Variants in WAPL observed in about 807,000 individuals in gnomAD.
WAPL encodes WAPL cohesin release factor.
In WAPL, 5 loss-of-function variants were observed where a neutral mutation model predicts 121.0. The observed-to-expected ratio is 0.04, with a 90% CI of 0.02 to 0.09. The LOEUF is 0.09. Ranked by LOEUF, WAPL falls within the 10% of genes least tolerant of loss-of-function variation. WAPL has a pLI of 1.00. For synonymous variants in WAPL, 480 were observed against 481.5 expected, an observed-to-expected ratio of 1.00 and a Z score of 0.04; for missense variants, 999 against 1,410.8, an observed-to-expected ratio of 0.71 and a Z score of 4.68.
chr10:86,468,839 G>A (rs181431610), intron 8 of WAPL, among the ~76,000 whole-genome samples: 12 of 151,850 alleles, frequency 7.9e-5, no homozygotes, highest in Non-Finnish European at 1.0e-4. Flanking sequence ...AGTGGCTCAC[G>A]TCTGTAATCC....
intron 2 of WAPL, among the ~76,000 whole-genome samples, chr10:86,506,749 C>T (rs1842358373): frequency 6.6e-6 from 1 of 151,864 alleles, no homozygotes; most frequent in Non-Finnish European, 1.5e-5. Flanking sequence ...ATGATCGCAC[C>T]ACTGCACTCC....
intron 9 of WAPL, among the ~76,000 whole-genome samples, chr10:86,463,887 T>C (rs984728393): frequency 6.6e-6 from 1 of 152,236 alleles, no homozygotes; most frequent in Non-Finnish European, 1.5e-5. Flanking sequence ...TACAGTAACA[T>C]GCTATACAGG....
At chr10:86,502,099 T>G (rs894534968) in intron 2 of WAPL, among the ~76,000 whole-genome samples, 2 of 152,210 alleles carry the variant, frequency 1.3e-5, no homozygotes, top group Non-Finnish European at 2.9e-5. Context: ...AGCAGTTTCA[T>G]TTACAAGTAT....
rs1842088742 is a variant in WAPL, at chr10:86,493,518, C to A, written c.1644+3683G>T. ...GCTCTTTCACATTTTCTGTATATTT[C>A]AAATTTTCATTTATTTATTTATTTA... is the stretch of plus-strand genomic sequence containing the variant. On this transcript the variant is annotated intron_variant, in intron 4 of 18. Coordinates refer to ENST00000298767, the MANE Select transcript of WAPL (RefSeq NM_015045.5). Among the ~76,000 whole-genome samples the A allele has an allele frequency of 1.3e-5, 2 of 151,928 alleles. 1 individual carries two copies. The highest frequency in any genetic ancestry group is 4.2e-4 in the South Asian group (2 of 4,814).
intron 15 of WAPL, among the ~76,000 whole-genome samples, chr10:86,450,219 A>G (rs112144466): frequency 1.3e-5 from 2 of 152,202 alleles, no homozygotes; most frequent in African/African-American, 4.8e-5. Context: ...AAGTCTACTG[A>G]ACAGAAAAAA....
chr10:86,520,697 C>G (rs1842657852), intron 1 of WAPL, among the ~76,000 whole-genome samples: 1 of 141,492 alleles, frequency 7.1e-6, no homozygotes, highest in Admixed American at 7.5e-5. Context: ...ACGACTAAGT[C>G]TTTTCGGTCG....
Position 86,472,348 on chromosome 10 carries a change from C to T in WAPL, c.1894-4G>A, listed in dbSNP as rs1841551610. ...CGTGCTGAACAACAGTATATAACTG[C>T]CAAGAAAAAAAAAGTTCACCCCTTT... On this transcript the variant is annotated splice_polypyrimidine_tract_variant and splice_region_variant and intron_variant, in intron 6 of 18. Transcript: ENST00000298767. The surrounding 1 kb of genome is among the most constrained non-coding windows in gnomAD (Gnocchi z 4.2). The T allele has an allele frequency of 3.2e-6, 5 of 1,583,826 alleles. No homozygotes were observed. The highest frequency in any genetic ancestry group is 2.6e-6 in the Non-Finnish European group (3 of 1,173,086).
chr10:86,486,374 T>C (rs557892443), intron 4 of WAPL, among the ~76,000 whole-genome samples: 28 of 152,354 alleles, frequency 1.8e-4, no homozygotes, highest in African/African-American at 6.3e-4. Flanking sequence ...TGCTAGTAAG[T>C]TGACAACCCG....
intron 4 of WAPL, among the ~76,000 whole-genome samples, chr10:86,492,644 C>T (rs2132214607): frequency 6.6e-6 from 1 of 152,230 alleles, no homozygotes; most frequent in East Asian, 1.9e-4. Context: ...AACTTCCAGA[C>T]TTAAATTCTG....
intron 4 of WAPL, among the ~76,000 whole-genome samples, chr10:86,478,983 G>A (rs1313125698): frequency 6.6e-6 from 1 of 151,954 alleles, no homozygotes; most frequent in Non-Finnish European, 1.5e-5. Context: ...TGTAATTCCA[G>A]CTACCCCGGG....
rs112718799 is a variant in WAPL at position 86,443,066 on chromosome 10, GA to G, written c.3411+208del. Among the ~76,000 whole-genome samples the G allele has an allele frequency of 1.5e-3, 228 of 151,038 alleles. 1 individual carries two copies. Among genetic ancestry groups the G allele is most frequent in the African/African-American group, 5.2e-3 (216 of 41,234 alleles). On this transcript the variant is annotated intron_variant, in intron 17 of 18. Transcript: ENST00000298767. The stretch of plus-strand genomic sequence containing the variant: ...TCAAAAAAAAAAAAAAAAACTACTG[GA>G]AATGTTAACACATTTTCTTGCCATT...
At chr10:86,444,495 A>C (rs778391883) in intron 16 of WAPL, among the ~76,000 whole-genome samples, 2 of 152,366 alleles carry the variant, frequency 1.3e-5, no homozygotes, top group Middle Eastern at 3.4e-3. Context: ...TTGTCTAAGG[A>C]ATACAGTATT....
chr10:86,518,895 G>C (rs1842613109), intron 1 of WAPL, among the ~76,000 whole-genome samples: 1 of 152,092 alleles, frequency 6.6e-6, no homozygotes, highest in Admixed American at 6.6e-5. Flanking sequence ...TTTGCGCTGT[G>C]ACTTTAAAAA....
intron 4 of WAPL, among the ~76,000 whole-genome samples, chr10:86,487,776 TC>T (rs1435572461): frequency 1.3e-5 from 2 of 152,012 alleles, no homozygotes; most frequent in Non-Finnish European, 2.9e-5. Flanking sequence ...GCGCCTGTAG[TC>T]CCAGCTACTT....
At chr10:86,521,075 C>A (rs540350482) in intron 1 of WAPL, among the ~76,000 whole-genome samples, 3 of 152,190 alleles carry the variant, frequency 2.0e-5, no homozygotes, top group Non-Finnish European at 4.4e-5. Flanking sequence ...CAGTGCAAGG[C>A]CCCAGTGGCG....
intron 15 of WAPL, among the ~76,000 whole-genome samples, chr10:86,448,020 C>A (rs1362985151): frequency 6.6e-6 from 1 of 151,756 alleles, no homozygotes; most frequent in Non-Finnish European, 1.5e-5. Context: ...TGCACTCCAG[C>A]CTGGACGACA....
At chr10:86,513,887 A>C (rs1842511214) in intron 2 of WAPL, among the ~76,000 whole-genome samples, 1 of 152,044 alleles carries the variant, frequency 6.6e-6, no homozygotes, top group South Asian at 2.1e-4. Context: ...TGAGTTGTTA[A>C]AATTTGCAAC....
chr10:86,435,594 A>C lies in WAPL; in HGVS notation c.*1949T>G, dbSNP rs1390045892. On this transcript the variant is annotated 3_prime_UTR_variant, in exon 19 of 19. Transcript: ENST00000298767. ...AGTTGGTGAAGTGATTATCTCCCCCACCACCTCCCCCCACCAAAATCTGCA... is the reference window on the plus strand; with the variant it reads ...AGTTGGTGAAGTGATTATCTCCCCCCCCACCTCCCCCCACCAAAATCTGCA... 2 of 151,992 alleles carry C rather than the reference A, an allele frequency of 1.3e-5. No homozygotes were observed. The highest frequency in any genetic ancestry group is 2.9e-5 in the Non-Finnish European group (2 of 67,892). The allele number at this position is 151,992 out of a possible 1,614,324, so 9.4% of individuals were successfully genotyped here.
chr10:86,453,529 ATGAG>A, intron 13 of WAPL, 123 bp downstream of exon 13: 4 of 1,254,550 alleles, frequency 3.2e-6, no homozygotes, highest in Non-Finnish European at 4.4e-6. Context: ...AAACCTACAC[ATGAG>A]TAAGTCAAGT....
Sources: allele counts gnomAD v4.1 joint callset (sites outside exome capture counted in the v4.1 genomes callset), GRCh38; gene constraint gnomAD v4.1.1; non-coding constraint Gnocchi (gnomAD v3.1); transcripts MANE v1.5; gene names NCBI Gene and HGNC (gene_info 2026-07-23, HGNC 2026-07-21).